The following GALNT10 variants were observed in gnomAD, a reference collection of about 807,000 sequenced individuals.
The protein encoded by GALNT10 is GalNAc transferase 10.
GALNT10 carries 41 observed loss-of-function variants against 75.0 expected under a neutral mutation model. The observed-to-expected ratio is 0.55, with a 90% confidence interval of 0.43 to 0.71. GALNT10 has a LOEUF of 0.71. Among genes scored for constraint, GALNT10 ranks in the 30% least tolerant of loss-of-function variants. GALNT10 has a pLI of 0.00. For missense variants in GALNT10, 727 were observed against 818.5 expected, an observed-to-expected ratio of 0.89 and a Z score of 1.36; for synonymous variants, 302 against 313.0, an observed-to-expected ratio of 0.96 and a Z score of 0.37.
At chr5:154,339,794 A>G (rs1755002852) in intron 4 of GALNT10, among the ~76,000 whole-genome samples, 1 of 152,220 alleles carries the variant, frequency 6.6e-6, no homozygotes, top group African/African-American at 2.4e-5. Flanking sequence ...ATTAAAGTCT[A>G]ACCTTTTCCA....
At chr5:154,269,973 G>A (rs1163387526) in intron 1 of GALNT10, among the ~76,000 whole-genome samples, 1 of 151,404 alleles carries the variant, frequency 6.6e-6, no homozygotes, top group Non-Finnish European at 1.5e-5. Flanking sequence ...GGGATACTGA[G>A]CCCCACAACC....
chr5:154,362,197 C>A (rs1755401027), intron 4 of GALNT10, among the ~76,000 whole-genome samples: 1 of 152,226 alleles, frequency 6.6e-6, no homozygotes, highest in South Asian at 2.1e-4. Flanking sequence ...GGGATGTGTG[C>A]ATGTGTTTGT....
intron 4 of GALNT10, among the ~76,000 whole-genome samples, chr5:154,345,781 C>T (rs1755112252): frequency 6.7e-6 from 1 of 149,846 alleles, no homozygotes; most frequent in African/African-American, 2.5e-5. Context: ...GACTACAGGC[C>T]TGCACCACTA....
chr5:154,199,036 C>G (rs1356355262), intron 1 of GALNT10, among the ~76,000 whole-genome samples: 1 of 152,228 alleles, frequency 6.6e-6, no homozygotes, highest in Non-Finnish European at 1.5e-5. Context: ...CTTGGTCACT[C>G]TTGTTTGCCT....
chr5:154,372,189 C>T (rs932247987), intron 4 of GALNT10, among the ~76,000 whole-genome samples: 9 of 152,190 alleles, frequency 5.9e-5, no homozygotes, highest in Non-Finnish European at 1.2e-4. Context: ...CTTAACCTCT[C>T]TGTGCCCTCA....
chr5:154,286,380 G>A (rs912510957), intron 1 of GALNT10, among the ~76,000 whole-genome samples: 2 of 137,724 alleles, frequency 1.5e-5, no homozygotes, highest in African/African-American at 5.9e-5. Context: ...GATCAGAGTC[G>A]ATTTGTTTTT....
intron 4 of GALNT10, among the ~76,000 whole-genome samples, chr5:154,331,251 C>T (rs1036649564): frequency 1.3e-5 from 2 of 152,078 alleles, no homozygotes; most frequent in African/African-American, 4.8e-5. Context: ...TTTCTTAGTA[C>T]TTCCACCCTG....
chr5:154,325,736 C>T (rs1416889023), intron 3 of GALNT10, among the ~76,000 whole-genome samples: 1 of 151,906 alleles, frequency 6.6e-6, no homozygotes, highest in African/African-American at 2.4e-5. Flanking sequence ...TGATAAAGTG[C>T]ATCTGTGAAA....
intron 1 of GALNT10, among the ~76,000 whole-genome samples, chr5:154,254,460 C>T (rs1399349762): frequency 6.6e-6 from 1 of 150,746 alleles, no homozygotes; most frequent in African/African-American, 2.4e-5. Context: ...TTTTGCAGCC[C>T]TTTTGGTCCC....
At position 154,218,941 on chromosome 5, in the gene GALNT10, C is replaced by T. The variant is rs148337362; in HGVS notation, c.159+27916C>T. On this transcript the variant is annotated intron_variant, in intron 1 of 11. Coordinates refer to ENST00000297107, the MANE Select transcript of GALNT10 (RefSeq NM_198321.4). Reference sequence around the variant, plus strand: ...CTGTTTTCCTGTGTCCTTTTCCCTGCAGTGTATTCTGCACACAGCAACCAG... The same window carrying T: ...CTGTTTTCCTGTGTCCTTTTCCCTGTAGTGTATTCTGCACACAGCAACCAG... 1.4e-3 allele frequency among the ~76,000 whole-genome samples: 211 copies of T among 152,310 alleles called. 1 individual carries two copies. The highest frequency in any genetic ancestry group is 5.0e-3 in the African/African-American group (209 of 41,560).
chr5:154,337,177 A>G (rs548713841), intron 4 of GALNT10, among the ~76,000 whole-genome samples: 2 of 152,302 alleles, frequency 1.3e-5, no homozygotes, highest in South Asian at 2.1e-4. Flanking sequence ...ACATTTAGCA[A>G]TCAACAGCAT....
At chr5:154,347,846 T>C (rs1755152187) in intron 4 of GALNT10, among the ~76,000 whole-genome samples, 1 of 152,224 alleles carries the variant, frequency 6.6e-6, no homozygotes, top group Non-Finnish European at 1.5e-5. Flanking sequence ...AAGTTTGATT[T>C]GCTGAGAATT....
chr5:154,207,942 T>C (rs1262552952), intron 1 of GALNT10, among the ~76,000 whole-genome samples: 1 of 152,008 alleles, frequency 6.6e-6, no homozygotes, highest in Non-Finnish European at 1.5e-5. Context: ...TGGAGTTCAA[T>C]AGTTGAAAGA....
At chr5:154,226,474 C>CA (rs1263002816) in intron 1 of GALNT10, among the ~76,000 whole-genome samples, 3 of 152,146 alleles carry the variant, frequency 2.0e-5, no homozygotes, top group African/African-American at 7.2e-5. Flanking sequence ...TTCTAGTTGA[C>CA]AGTGTTTACT....
chr5:154,309,547 A>C (rs578145891), intron 3 of GALNT10, among the ~76,000 whole-genome samples: 1 of 152,196 alleles, frequency 6.6e-6, no homozygotes, highest in Non-Finnish European at 1.5e-5. Context: ...GTCAGTCCAC[A>C]GTAGGAGTAG....
At chr5:154,295,570 T>A (rs1348016846) in intron 2 of GALNT10, among the ~76,000 whole-genome samples, 36 of 152,142 alleles carry the variant, frequency 2.4e-4, no homozygotes. Context: ...GGCTAATTAG[T>A]CTTGGGAGCA....
Position 154,340,330 on chromosome 5 carries a change from A to G in GALNT10, c.568+10592A>G, listed in dbSNP as rs80156206. The stretch of plus-strand genomic sequence containing the variant: ...GCACTGTTGTAAGCGACTTAAATAC[A>G]TTATGTTTCACTTTATAGGAAGCCT... On this transcript the variant is annotated intron_variant, in intron 4 of 11. Transcript: ENST00000297107. Among the ~76,000 whole-genome samples the G allele has an allele frequency of 8.6e-3, 1,315 of 152,322 alleles. 20 individuals carry two copies. The highest frequency in any genetic ancestry group is 0.031 in the African/African-American group (1,284 of 41,558).
chr5:154,234,043 A>G (rs1360706783), intron 1 of GALNT10, among the ~76,000 whole-genome samples: 1 of 152,174 alleles, frequency 6.6e-6, no homozygotes, highest in African/African-American at 2.4e-5. Flanking sequence ...TTTGCAAAAG[A>G]GCATTTAACT....
At chr5:154,343,127 G>C (rs1755060145) in intron 4 of GALNT10, among the ~76,000 whole-genome samples, 1 of 152,004 alleles carries the variant, frequency 6.6e-6, no homozygotes, top group Non-Finnish European at 1.5e-5. Context: ...GAGTGTCCAG[G>C]TCCTCAGTCT....
Sources: gnomAD v4.1 joint callset for allele counts (sites outside exome capture counted in the v4.1 genomes callset) on GRCh38, gnomAD v4.1.1 for gene constraint, MANE v1.5 for transcripts, NCBI Gene and HGNC (gene_info 2026-07-23, HGNC 2026-07-21) for gene names.